SUCO: variants seen among roughly 807,000 people sequenced by gnomAD.
The protein encoded by SUCO is SUN domain containing ossification factor.
SUCO carries 57 observed loss-of-function variants against 148.1 expected under a neutral mutation model. The ratio of observed to expected loss-of-function variants is 0.38; its 90% CI spans 0.31 to 0.48. The LOEUF (loss-of-function observed/expected upper bound fraction) is 0.48. Ranked by LOEUF, SUCO falls within the 20% of genes least tolerant of loss-of-function variation. SUCO has a pLI of 0.96. For synonymous variants in SUCO, 470 were observed against 502.7 expected, an observed-to-expected ratio of 0.93 and a Z score of 0.87; for missense variants, 1,331 against 1,468.2, an observed-to-expected ratio of 0.91 and a Z score of 1.53.
At chr1:172,584,421 G>C (rs1656092847) in intron 15 of SUCO, 1 of 814,366 alleles carries the variant, frequency 1.2e-6, no homozygotes, top group Non-Finnish European at 1.5e-6. Flanking sequence ...TTATACTTGA[G>C]TTTATAGTAT....
chr1:172,552,277 A>G lies in SUCO; in HGVS notation c.177+651A>G, dbSNP rs930947992. 3 of 152,040 alleles carry G rather than the reference A, an allele frequency of 2.0e-5. No individual in the cohort carries two copies. In the South Asian group the frequency reaches 6.2e-4, roughly 31 times the overall value. The allele number at this position is 152,040 out of a possible 1,614,324, so 9.4% of individuals were successfully genotyped here. A position where few individuals can be genotyped will look rare whatever the true frequency, so the allele number is the denominator to read the frequency against. The stretch of plus-strand genomic sequence containing the variant: ...TGGACCTTGTTCTGTGGGTATAGAT[A>G]ACACCTTTATATTTGCCCACAAATT... On this transcript the variant is annotated intron_variant, in intron 2 of 23. Transcript: ENST00000263688.
At chr1:172,585,771 C>A in intron 16 of SUCO, 87 bp from the exon 17 acceptor site, 1 of 941,904 alleles carries the variant, frequency 1.1e-6, no homozygotes, top group Non-Finnish European at 1.6e-6. Context: ...CTTTTTTCTT[C>A]TCTTCCAAGA....
intron 20 of SUCO, among the ~76,000 whole-genome samples, chr1:172,601,421 C>T (rs1231773676): frequency 6.6e-6 from 1 of 151,484 alleles, no homozygotes; most frequent in African/African-American, 2.4e-5. Flanking sequence ...ATTAGTTGAA[C>T]CCAGGAGGTG....
At chr1:172,564,035 A>G (rs1156786162) in intron 6 of SUCO, among the ~76,000 whole-genome samples, 2 of 152,244 alleles carry the variant, frequency 1.3e-5, no homozygotes, top group Non-Finnish European at 2.9e-5. Flanking sequence ...TCCGTGTGAT[A>G]TTGGGCCTAT....
rs1367422960 is a variant in SUCO, at chr1:172,610,287, CT to C, written c.*34del. On this transcript the variant is annotated 3_prime_UTR_variant, in exon 24 of 24. Transcript: ENST00000263688. ...TTAATTGAACTTTTCATACAGAAGA[CT>C]TTTTTGTTGTTGTTCTTTGAAGAAC... 2.6e-6 allele frequency: 4 copies of C among 1,543,442 alleles called. No individual in the cohort carries two copies. In the Admixed American group the frequency reaches 8.5e-5, roughly 33 times the overall value.
intron 6 of SUCO, among the ~76,000 whole-genome samples, chr1:172,559,052 T>G (rs1653948332): frequency 6.6e-6 from 1 of 152,238 alleles, no homozygotes; most frequent in Admixed American, 6.5e-5. Context: ...TAGTTTTATG[T>G]AGTATCTACT....
chr1:172,536,154 C>T lies in SUCO; in HGVS notation c.62+2657C>T, dbSNP rs1005863238. ...AGGTATTATTATTAACTTCCTTTTGCATTTTACATGTGAGGAAGTAGAGAG... is the reference window on the plus strand; with the variant it reads ...AGGTATTATTATTAACTTCCTTTTGTATTTTACATGTGAGGAAGTAGAGAG... On this transcript the variant is annotated intron_variant, in intron 1 of 23. Coordinates refer to ENST00000263688, the MANE Select transcript of SUCO (RefSeq NM_014283.5). Among the ~76,000 whole-genome samples, 12 of 152,238 alleles carry T rather than the reference C, an allele frequency of 7.9e-5. 1 individual carries two copies. The East Asian group carries it at 1.5e-3, about 20-fold the overall frequency.
At chr1:172,574,939 T>C in intron 10 of SUCO, 1 of 974,772 alleles carries the variant, frequency 1.0e-6, no homozygotes, top group African/African-American at 1.8e-5. Context: ...TTTTCTTATA[T>C]GTCAAATGAA....
In SUCO at chr1:172,610,893, T is replaced by C. The variant is rs1372434338; in HGVS notation, c.*634T>C. On this transcript the variant is annotated 3_prime_UTR_variant, in exon 24 of 24. Coordinates refer to ENST00000263688, the MANE Select transcript of SUCO (RefSeq NM_014283.5). ...TAGGTAGATGGTGATGCTCTTGTTA[T>C]TTTCACTTATTCAGACTGGATTACT... 2.6e-5 allele frequency: 4 copies of C among 152,562 alleles called. No homozygotes were observed. The highest frequency in any genetic ancestry group is 4.4e-5 in the Non-Finnish European group (3 of 68,036). 9.5% of individuals were successfully genotyped at this position (152,562 alleles called of 1,614,324 possible).
intron 11 of SUCO, among the ~76,000 whole-genome samples, chr1:172,576,589 A>G (rs1655456671): frequency 6.6e-6 from 1 of 151,696 alleles, no homozygotes; most frequent in Non-Finnish European, 1.5e-5. Flanking sequence ...AATTTTTTAT[A>G]CAGTACACTT....
intron 17 of SUCO, chr1:172,588,252 C>T: frequency 1.0e-6 from 1 of 985,278 alleles, no homozygotes; most frequent in Non-Finnish European, 1.2e-6. Flanking sequence ...ACCAACCTAG[C>T]TGCCTTTTGA....
rs1339613705 is a variant in SUCO at position 172,610,963 on chromosome 1, C to A, written c.*704C>A. The A allele has an allele frequency of 1.3e-5, 2 of 152,550 alleles. No homozygotes were observed. The highest frequency in any genetic ancestry group is 2.4e-5 in the African/African-American group (1 of 41,554). The allele number at this position is 152,550 out of a possible 1,614,324, so 9.4% of individuals were successfully genotyped here. On this transcript the variant is annotated 3_prime_UTR_variant, in exon 24 of 24. Transcript: ENST00000263688. ...CAATGAGGAAAAATCCCTACAGGAT[C>A]TTTTTTTGCAAACAACTGATATATG...
At chr1:172,600,297 T>C in intron 20 of SUCO, 129 bp downstream of exon 20, 1 of 661,436 alleles carries the variant, frequency 1.5e-6, no homozygotes, top group Non-Finnish European at 2.6e-6. Context: ...GTGAACTTTT[T>C]CAAAAACCAG....
chr1:172,580,054 GT>G (rs1451230955), intron 15 of SUCO, among the ~76,000 whole-genome samples: 4 of 152,122 alleles, frequency 2.6e-5, no homozygotes, highest in Admixed American at 6.5e-5. Context: ...GACTTTGTAA[GT>G]TTTTTAGCTA....
Position 172,589,100 on chromosome 1 carries a change from C to G in SUCO, c.1999C>G (p.Leu667Val), listed in dbSNP as rs775725532. 6.2e-7 allele frequency: 1 copy of G among 1,613,522 alleles called. No homozygotes were observed. The highest frequency in any genetic ancestry group is 8.5e-7 in the Non-Finnish European group (1 of 1,179,708). ...DYLVLAQPPL[L>V]LPAESVDVSV... ...TCTTGTGTTAGCTCAACCACCCTTACTACTTCCTGCGGAATCAGTAGATGT... is the reference window on the plus strand; with the variant it reads ...TCTTGTGTTAGCTCAACCACCCTTAGTACTTCCTGCGGAATCAGTAGATGT... Residue 667 changes from leucine (L) to valine (V), a missense_variant, in exon 18 of 24, where the codon CTA becomes GTA. Physicochemically the swap from Leu to Val is conservative, Grantham distance 32. Around this residue, in one of 3 missense-constraint regions of SUCO, gnomAD observed 992 missense variants for 1,093.5 expected, o/e 0.91. Transcript: ENST00000263688.
At chr1:172,570,602 A>G in intron 8 of SUCO, 61 bp from the exon 9 acceptor site, 2 of 1,180,436 alleles carry the variant, frequency 1.7e-6, no homozygotes, top group Non-Finnish European at 2.5e-6. Context: ...TTTAAAGTTA[A>G]AATAAATACT....
chr1:172,579,948 AAAC>A (rs1309286872), intron 15 of SUCO, among the ~76,000 whole-genome samples: 20 of 152,162 alleles, frequency 1.3e-4, no homozygotes, highest in African/African-American at 4.8e-4. Context: ...AATTTAATAA[AAAC>A]AAATCTTAGT....
At chr1:172,575,244 T>C (rs941476699) in intron 10 of SUCO, among the ~76,000 whole-genome samples, 2 of 151,980 alleles carry the variant, frequency 1.3e-5, no homozygotes, top group African/African-American at 4.8e-5. Context: ...TTGGTGACTT[T>C]CTGTTATAAA....
rs1385744429 is a variant in SUCO at position 172,610,801 on chromosome 1, A to G, written c.*542A>G. On this transcript the variant is annotated 3_prime_UTR_variant, in exon 24 of 24. Coordinates refer to ENST00000263688, the MANE Select transcript of SUCO (RefSeq NM_014283.5). ...AGTCTAAAGATCCTAAAAACTTGCCAACTGGATCTTTGTTTAGCAAACTCA... is the reference window on the plus strand; with the variant it reads ...AGTCTAAAGATCCTAAAAACTTGCCGACTGGATCTTTGTTTAGCAAACTCA... 1 of 152,648 alleles carries G rather than the reference A, an allele frequency of 6.6e-6. No individual in the cohort carries two copies. The highest frequency in any genetic ancestry group is 2.4e-5 in the African/African-American group (1 of 41,438). The allele number at this position is 152,648 out of a possible 1,614,324, so 9.5% of individuals were successfully genotyped here.
Sources: gnomAD v4.1 joint callset for allele counts (sites outside exome capture counted in the v4.1 genomes callset) on GRCh38, gnomAD v4.1.1 for gene constraint, gnomAD v4.1.1 regional missense constraint, MANE v1.5 for transcripts, NCBI Gene and HGNC (gene_info 2026-07-23, HGNC 2026-07-21) for gene names.